GMFG: variants seen among roughly 807,000 people sequenced by gnomAD.
GMFG encodes the protein glia maturation factor gamma.
GMFG carries 21 observed loss-of-function variants against 26.1 expected under a neutral mutation model. The ratio of observed to expected loss-of-function variants is 0.80; its 90% CI spans 0.57 to 1.16. The LOEUF (loss-of-function observed/expected upper bound fraction) is 1.16. Ranked by LOEUF, GMFG falls within the 50% of genes most tolerant of loss-of-function variation. GMFG has a pLI of 0.00. For synonymous variants in GMFG, 65 were observed against 60.8 expected (o/e 1.07, Z -0.32); for missense variants, 161 against 178.3 (o/e 0.90, Z 0.55).
Position 39,329,534 on chromosome 19 carries a change from T to A in GMFG, c.283+10A>T. 6.6e-7 allele frequency: 1 copy of A among 1,522,210 alleles called. No homozygotes were observed. The highest frequency in any genetic ancestry group is 9.1e-7 in the Non-Finnish European group (1 of 1,096,356). The allele number at this position is 1,522,210 out of a possible 1,614,324, so 94.3% of individuals were successfully genotyped here. On this transcript the variant is annotated intron_variant, in intron 5 of 6. Coordinates refer to ENST00000597595, the MANE Select transcript of GMFG (RefSeq NM_004877.4). ...GACCCTCTCCTGAGGACAGTAGAGC[T>A]GTGTCTCACCCACAGGGCTGGAGAA... is the stretch of plus-strand genomic sequence containing the variant.
At chr19:39,328,748 G>A (rs1001028358) in intron 6 of GMFG, 200 bp from the exon 7 acceptor site, 10 of 608,498 alleles carry the variant, frequency 1.6e-5, no homozygotes, top group Non-Finnish European at 1.8e-5. Context: ...GTGTGGTGGC[G>A]TGTGCCTGTC....
chr19:39,332,432 G>T (rs960352676), intron 4 of GMFG, among the ~76,000 whole-genome samples: 2 of 151,278 alleles, frequency 1.3e-5, no homozygotes, highest in South Asian at 2.1e-4. Context: ...GCTCCCAAAG[G>T]GCTGAGATTA....
In GMFG at chr19:39,328,564, T is replaced by C. The variant is rs1322130615; in HGVS notation, c.358-16A>G. 1 of 1,596,166 alleles carries C rather than the reference T, an allele frequency of 6.3e-7. No individual in the cohort carries two copies. The highest frequency in any genetic ancestry group is 8.6e-7 in the Non-Finnish European group (1 of 1,164,220). On this transcript the variant is annotated splice_polypyrimidine_tract_variant and intron_variant, in intron 6 of 6. Coordinates refer to ENST00000597595, the MANE Select transcript of GMFG (RefSeq NM_004877.4). ...TTTCGAACACCTGGGCAGAGAGAGG[T>C]CTCGGCATTATGATCTACTCAAACA...
intron 1 of GMFG, among the ~76,000 whole-genome samples, 196 bp downstream of exon 1, chr19:39,335,778 G>A (rs1294840462): frequency 6.6e-6 from 1 of 152,160 alleles, no homozygotes; most frequent in Non-Finnish European, 1.5e-5. Context: ...CACTCAAGGA[G>A]GTGCAGAGAT....
In GMFG at chr19:39,329,021, C is replaced by T. The variant is rs148321762; in HGVS notation, c.336G>A (p.Val112=). Residue 112 remains valine (V), a synonymous_variant, in exon 6 of 7, where the codon GTG becomes GTA. Transcript: ENST00000597595. ...GAACCTTTGTGAGCTCTGCTGTCTGCACCAGCCTGTTTTTACTCCCTGCAT... is the reference window on the plus strand; with the variant it reads ...GAACCTTTGTGAGCTCTGCTGTCTGTACCAGCCTGTTTTTACTCCCTGCAT... ...MMYAGSKNRL[V]QTAELTKVFE... The T allele has an allele frequency of 1.8e-4, 285 of 1,613,378 alleles. No individual in the cohort carries two copies. The African/African-American group carries it at 3.4e-3, about 19-fold the overall frequency.
At chr19:39,334,217 C>T (rs1221667259) in intron 3 of GMFG, among the ~76,000 whole-genome samples, 2 of 151,900 alleles carry the variant, frequency 1.3e-5, no homozygotes, top group Non-Finnish European at 2.9e-5. Context: ...GGGGTTTCAC[C>T]ATGTTAGCCA....
intron 6 of GMFG, 139 bp downstream of exon 6, chr19:39,328,861 G>C: frequency 1.4e-6 from 1 of 701,020 alleles, no homozygotes; most frequent in Non-Finnish European, 2.5e-6. Context: ...CTGGATGACA[G>C]AGCGAGACCC....
intron 4 of GMFG, among the ~76,000 whole-genome samples, chr19:39,330,169 A>G (rs116750267): frequency 0.012 from 1,802 of 152,260 alleles, 28 homozygotes; most frequent in African/African-American, 0.04. Context: ...AGATGAGAAA[A>G]CTGAGGCCCA....
At chr19:39,330,685 C>A (rs906844109) in intron 4 of GMFG, among the ~76,000 whole-genome samples, 1 of 151,750 alleles carries the variant, frequency 6.6e-6, no homozygotes, top group African/African-American at 2.4e-5. Context: ...CAGCCTCGAC[C>A]TCCCAGGTTC....
intron 3 of GMFG, among the ~76,000 whole-genome samples, chr19:39,334,475 C>A (rs2075240836): frequency 6.6e-6 from 1 of 151,586 alleles, no homozygotes; most frequent in Non-Finnish European, 1.5e-5. Flanking sequence ...ACCATGTTGC[C>A]CAGGCTGGTC....
intron 1 of GMFG, 51 bp from the exon 2 acceptor site, chr19:39,335,582 C>A: frequency 8.2e-7 from 1 of 1,217,750 alleles, no homozygotes; most frequent in Non-Finnish European, 1.2e-6. Flanking sequence ...CAGCCCTCAC[C>A]CCTTCCCCAA....
intron 1 of GMFG, 38 bp from the exon 2 acceptor site, chr19:39,335,569 C>T: frequency 7.3e-7 from 1 of 1,361,048 alleles, no homozygotes; most frequent in Non-Finnish European, 1.1e-6. Context: ...AATGGCCTGG[C>T]CTCAGCCCTC....
At chr19:39,328,809 A>T in intron 6 of GMFG, 191 bp downstream of exon 6, 1 of 618,722 alleles carries the variant, frequency 1.6e-6, no homozygotes, top group South Asian at 1.9e-5. Context: ...ACCCAGGAGG[A>T]GGAGGTTGCA....
Position 39,329,120 on chromosome 19 carries a change from G to A in GMFG, c.284-47C>T, listed in dbSNP as rs199565199. Reference sequence around the variant, plus strand: ...GGCACATCAGTGGGGACCCAGGCGTGTTCTCTAAAGCTCTAGTAATGTCCT... The same window carrying A: ...GGCACATCAGTGGGGACCCAGGCGTATTCTCTAAAGCTCTAGTAATGTCCT... On this transcript the variant is annotated intron_variant, in intron 5 of 6. Coordinates refer to ENST00000597595, the MANE Select transcript of GMFG (RefSeq NM_004877.4). 164 of 1,331,956 alleles carry A rather than the reference G, an allele frequency of 1.2e-4. 1 individual carries two copies. In the East Asian group the frequency reaches 2.3e-3, roughly 19 times the overall value. The allele number at this position is 1,331,956 out of a possible 1,614,324, so 82.5% of individuals were successfully genotyped here. A position where few individuals can be genotyped will look rare whatever the true frequency, so the allele number is the denominator to read the frequency against.
chr19:39,335,508 C>T lies in GMFG; in HGVS notation c.27G>A (p.Glu9=). 6.2e-7 allele frequency: 1 copy of T among 1,613,724 alleles called. No individual in the cohort carries two copies. Among genetic ancestry groups the T allele is most frequent in the Non-Finnish European group, 8.5e-7 (1 of 1,179,626 alleles). Residue 9 remains glutamate (E), a synonymous_variant, in exon 2 of 7, where the codon GAG becomes GAA. Coordinates refer to ENST00000597595, the MANE Select transcript of GMFG (RefSeq NM_004877.4). MSDSLVVC[E]VDPELTEKLR... ...GCTTTTCTGTTAGCTCTGGGTCTAC[C>T]TCGCACACCACCAGGGAGTCAGACT...
chr19:39,330,539 C>A (rs1472772072), intron 4 of GMFG, among the ~76,000 whole-genome samples: 1 of 151,700 alleles, frequency 6.6e-6, no homozygotes, highest in Non-Finnish European at 1.5e-5. Context: ...AGCAATCCTC[C>A]TATCTCAGCC....
chr19:39,332,028 ATT>A (rs775743093), intron 4 of GMFG, among the ~76,000 whole-genome samples: 9 of 143,748 alleles, frequency 6.3e-5, no homozygotes, highest in Admixed American at 7.0e-5. Flanking sequence ...TGCCTGGCTA[ATT>A]TTTTTTTTTT....
At chr19:39,334,161 C>T (rs1023906070) in intron 3 of GMFG, among the ~76,000 whole-genome samples, 12 of 151,804 alleles carry the variant, frequency 7.9e-5, no homozygotes, top group African/African-American at 2.9e-4. Context: ...GGACTACAGG[C>T]ACCCGCCACC....
chr19:39,333,582 A>C (rs1036374885), intron 3 of GMFG, among the ~76,000 whole-genome samples: 33 of 132,484 alleles, frequency 2.5e-4, no homozygotes, highest in Non-Finnish European at 7.9e-5. Flanking sequence ...ACTCCGTCTC[A>C]AAAAAAAAAA....
Sources: gnomAD v4.1 joint callset for allele counts (sites outside exome capture counted in the v4.1 genomes callset) on GRCh38, gnomAD v4.1.1 for gene constraint, MANE v1.5 for transcripts, NCBI Gene and HGNC (gene_info 2026-07-23, HGNC 2026-07-21) for gene names.